The following SLC61A1 variants were observed in gnomAD, a reference collection of about 807,000 sequenced individuals.
SLC61A1 encodes major facilitator superfamily domain containing 5.
At chr12:53,253,009 TC>T in the SLC61A1 span, 1 of 1,614,194 alleles carries the variant, frequency 6.2e-7, no homozygotes, top group Non-Finnish European at 8.5e-7. Flanking sequence ...CTGATTGGCT[TC>T]AGGCCCCCTA....
chr12:53,252,686 T>C, the SLC61A1 span: 1 of 1,247,834 alleles, frequency 8.0e-7, no homozygotes, highest in Non-Finnish European at 1.1e-6. Flanking sequence ...ACCCAACTGG[T>C]CCCTCCGGTC....
chr12:53,252,167 C>A, the SLC61A1 span: 2 of 1,430,654 alleles, frequency 1.4e-6, no homozygotes, highest in Non-Finnish European at 1.8e-6. Flanking sequence ...GGGGCGGGAG[C>A]GCTGCTGGAA....
the SLC61A1 span, chr12:53,252,218 G>C: frequency 7.1e-7 from 1 of 1,414,212 alleles, no homozygotes; most frequent in South Asian, 1.6e-5. Context: ...GGGTGGCCTG[G>C]CGGCCTGGAG....
At chr12:53,252,074 T>C in the SLC61A1 span, 32 of 1,455,222 alleles carry the variant, frequency 2.2e-5, no homozygotes, top group Non-Finnish European at 2.3e-5. Context: ...CGGGGCGGGG[T>C]TTTGGCGCCG....
the SLC61A1 span, chr12:53,252,842 G>T: frequency 1.2e-6 from 2 of 1,613,680 alleles, no homozygotes; most frequent in South Asian, 1.1e-5. Context: ...CACCATGCTG[G>T]TGACTGCCTA....
At chr12:53,251,435 T>G in the SLC61A1 span, 4 of 392,372 alleles carry the variant, frequency 1.0e-5, no homozygotes, top group Non-Finnish European at 1.8e-5. Context: ...TGTAGAGAGG[T>G]TAAATAGTTT....
At chr12:53,254,251 G>C in the SLC61A1 span, 3 of 1,552,436 alleles carry the variant, frequency 1.9e-6, no homozygotes, top group Non-Finnish European at 2.6e-6. Context: ...GGATTGTACA[G>C]ATCTCTCTGT....
chr12:53,254,051 C>T, the SLC61A1 span: 28 of 1,614,072 alleles, frequency 1.7e-5, no homozygotes, highest in Middle Eastern at 1.6e-4. Flanking sequence ...AACAGGCACT[C>T]GGAATATGTT....
the SLC61A1 span, chr12:53,253,958 G>A: frequency 1.2e-6 from 2 of 1,614,080 alleles, no homozygotes; most frequent in East Asian, 4.5e-5. Context: ...GACAGAGCAG[G>A]CTGGTGTACT....
At chr12:53,252,793 C>T in the SLC61A1 span, 2 of 1,607,606 alleles carry the variant, frequency 1.2e-6, no homozygotes, top group East Asian at 4.5e-5. Context: ...ATGGATATGG[C>T]TCTGACTCCC....
the SLC61A1 span, chr12:53,252,731 G>T: frequency 7.0e-7 from 1 of 1,436,746 alleles, no homozygotes; most frequent in African/African-American, 1.4e-5. Flanking sequence ...CAGCGGGGTT[G>T]GGTGGAGCTG....
the SLC61A1 span, chr12:53,251,339 T>G: frequency 5.4e-6 from 1 of 184,592 alleles, no homozygotes; most frequent in Non-Finnish European, 1.1e-5. Flanking sequence ...GGACAGAGGG[T>G]CTTGTAGGCC....
At chr12:53,254,113 C>G in the SLC61A1 span, 5 of 1,614,198 alleles carry the variant, frequency 3.1e-6, no homozygotes, top group Non-Finnish European at 4.2e-6. Context: ...TGGTGGGACT[C>G]TTCACCGTGG....
chr12:53,253,119 C>T, the SLC61A1 span: 1 of 1,614,250 alleles, frequency 6.2e-7, no homozygotes, highest in Admixed American at 1.7e-5. Flanking sequence ...GGCCTAGTGG[C>T]CTCCTCCCTT....
chr12:53,252,904 A>T, the SLC61A1 span: 1 of 1,614,134 alleles, frequency 6.2e-7, no homozygotes, highest in Non-Finnish European at 8.5e-7. Flanking sequence ...AACTGTCAAG[A>T]TGCCGGGCTA....
the SLC61A1 span, chr12:53,253,409 G>C: frequency 6.2e-7 from 1 of 1,614,138 alleles, no homozygotes; most frequent in Non-Finnish European, 8.5e-7. Flanking sequence ...AGCTGAGGCT[G>C]TAGCCAGCTG....
chr12:53,252,525 A>C, the SLC61A1 span: 2 of 1,368,790 alleles, frequency 1.5e-6, no homozygotes, highest in Non-Finnish European at 1.9e-6. Context: ...GGGAAAGGGC[A>C]GTAGAATTTG....
At chr12:53,252,142 G>A in the SLC61A1 span, 13 of 1,438,706 alleles carry the variant, frequency 9.0e-6, no homozygotes, top group East Asian at 2.5e-5. Context: ...CCCGGCTCCC[G>A]GAAGCAGGCT....
At chr12:53,252,595 A>T in the SLC61A1 span, 1 of 1,269,802 alleles carries the variant, frequency 7.9e-7, no homozygotes. Flanking sequence ...TTGAGTGCCC[A>T]GTCCTCTCCC....
Sources: gnomAD v4.1 joint callset for allele counts on GRCh38, gnomAD v4.1.1 for gene constraint, MANE v1.5 for transcripts, NCBI Gene and HGNC (gene_info 2026-07-23, HGNC 2026-07-21) for gene names.